The following ECPAS variants were observed in gnomAD, a reference collection of about 807,000 sequenced individuals.
ECPAS encodes Ecm29 proteasome adaptor and scaffold, also known as proteasome adapter and scaffold protein ECM29.
A neutral mutation model predicts 255.1 loss-of-function variants in ECPAS; 70 were observed. That is an observed-to-expected ratio of 0.27 (90% CI 0.23 to 0.33). The LOEUF is 0.33. Among genes scored for constraint, ECPAS ranks in the 10% least tolerant of loss-of-function variants. ECPAS has a pLI of 1.00. For synonymous variants in ECPAS, 784 were observed against 775.0 expected, an observed-to-expected ratio of 1.01 and a Z score of -0.19; for missense variants, 1,817 against 2,206.4, an observed-to-expected ratio of 0.82 and a Z score of 3.54.
At position 111,406,944 on chromosome 9, in the gene ECPAS, A is replaced by G. The variant is rs148875608; in HGVS notation, c.2652+1627T>C. ...AAAAAAACCTTCAGCACTGTGTCCTATTCGACTGTGAAGATATTCTGCTTC... is the reference window on the plus strand; with the variant it reads ...AAAAAAACCTTCAGCACTGTGTCCTGTTCGACTGTGAAGATATTCTGCTTC... On this transcript the variant is annotated intron_variant, in intron 24 of 49. Transcript: ENST00000684092. Among the ~76,000 whole-genome samples, 304 of 149,490 alleles carry G rather than the reference A, an allele frequency of 2.0e-3. 7 individuals are homozygous for G. The highest frequency in any genetic ancestry group is 1.5e-3 in the Non-Finnish European group (99 of 67,956).
intron 41 of ECPAS, 38 bp from the exon 42 acceptor site, chr9:111,372,658 G>A: frequency 6.7e-7 from 1 of 1,491,266 alleles, no homozygotes; most frequent in Non-Finnish European, 9.1e-7. Context: ...GATATTTATT[G>A]TTTTTAAGGG....
At chr9:111,391,357 C>T (rs1384409818) in intron 29 of ECPAS, among the ~76,000 whole-genome samples, 2 of 152,098 alleles carry the variant, frequency 1.3e-5, no homozygotes, top group Non-Finnish European at 2.9e-5. Context: ...GTGGGTGGAT[C>T]TCCTGAGGTC....
At chr9:111,410,477 G>GA (rs5899954) in intron 22 of ECPAS, among the ~76,000 whole-genome samples, 18,741 of 151,546 alleles carry the variant, frequency 0.12, 1,422 homozygotes, top group East Asian at 0.33. Context: ...AAAATGTAGA[G>GA]AAAAAAAATA....
At chr9:111,398,698 A>T (rs1466687607) in intron 24 of ECPAS, among the ~76,000 whole-genome samples, 1 of 152,186 alleles carries the variant, frequency 6.6e-6, no homozygotes, top group Non-Finnish European at 1.5e-5. Context: ...ACACTTTGGG[A>T]GGCCACGGTG....
At chr9:111,411,324 T>G (rs542934589) in intron 21 of ECPAS, among the ~76,000 whole-genome samples, 182 bp from the exon 22 acceptor site, 1 of 152,262 alleles carries the variant, frequency 6.6e-6, no homozygotes, top group Non-Finnish European at 1.5e-5. Context: ...AGAGAAACCT[T>G]GAGTTTCTAA....
chr9:111,460,893 A>G (rs1312761304), intron 2 of ECPAS, among the ~76,000 whole-genome samples: 2 of 152,208 alleles, frequency 1.3e-5, no homozygotes, highest in Admixed American at 6.5e-5. Context: ...ACAATCCATC[A>G]GATAACTTGG....
intron 1 of ECPAS, among the ~76,000 whole-genome samples, chr9:111,475,793 T>TA (rs2098295515): frequency 6.6e-6 from 1 of 151,720 alleles, no homozygotes; most frequent in African/African-American, 2.4e-5. Context: ...TGGAAATTAA[T>TA]AAAAAATAGA....
At chr9:111,441,373 C>A (rs1393393659) in intron 5 of ECPAS, among the ~76,000 whole-genome samples, 1 of 151,708 alleles carries the variant, frequency 6.6e-6, no homozygotes, top group Non-Finnish European at 1.5e-5. Flanking sequence ...GCCATGGTAG[C>A]AGGCATCTGT....
intron 24 of ECPAS, 95 bp from the exon 25 acceptor site, chr9:111,397,248 C>A: frequency 6.7e-7 from 1 of 1,500,606 alleles, no homozygotes; most frequent in Non-Finnish European, 9.0e-7. Flanking sequence ...TGGTTCTGAG[C>A]ATGTTTTGTT....
chr9:111,421,578 C>T (rs1203347903), intron 15 of ECPAS, among the ~76,000 whole-genome samples: 1 of 152,044 alleles, frequency 6.6e-6, no homozygotes, highest in East Asian at 1.9e-4. Flanking sequence ...TGTCTTTCAT[C>T]CCTTCTGCTT....
chr9:111,369,240 G>A, intron 45 of ECPAS, 67 bp from the exon 46 acceptor site: 1 of 1,246,136 alleles, frequency 8.0e-7, no homozygotes, highest in Non-Finnish European at 1.1e-6. Flanking sequence ...TACTATTAAA[G>A]CTATCAGGGT....
intron 3 of ECPAS, among the ~76,000 whole-genome samples, chr9:111,448,047 C>A (rs894246598): frequency 1.3e-5 from 2 of 151,812 alleles, no homozygotes; most frequent in African/African-American, 4.8e-5. Context: ...TGTTCCCAAC[C>A]CAAAGGAAAA....
At chr9:111,423,172 T>C (rs1237872844) in intron 13 of ECPAS, 27 bp downstream of exon 13, 4 of 1,501,874 alleles carry the variant, frequency 2.7e-6, no homozygotes, top group Admixed American at 2.0e-5. Flanking sequence ...CAACACCATA[T>C]CTCTCACTAA....
Position 111,363,594 on chromosome 9 carries a change from G to GT in ECPAS, c.5373dup (p.Leu1792ThrfsTer2). On this transcript the variant is annotated frameshift_variant, in exon 49 of 50. Coordinates refer to ENST00000684092, the MANE Select transcript of ECPAS (RefSeq NM_001364929.1). LOFTEE classifies it high-confidence loss of function. ...AGAACTAACAACAACTTACCTTCAA[G>GT]TTTTTTAAGCAGCAATTCTATCACA... is the stretch of plus-strand genomic sequence containing the variant. 2 of 1,571,456 alleles carry GT rather than the reference G, an allele frequency of 1.3e-6. No homozygotes were observed. The highest frequency in any genetic ancestry group is 1.7e-6 in the Non-Finnish European group (2 of 1,149,206).
chr9:111,469,530 G>A (rs1298307550), intron 2 of ECPAS, among the ~76,000 whole-genome samples: 2 of 151,278 alleles, frequency 1.3e-5, no homozygotes, highest in Admixed American at 6.6e-5. Flanking sequence ...ACTCCGTCCC[G>A]CCAGGCGCGG....
chr9:111,484,178 A>G lies in ECPAS; in HGVS notation c.-145T>C. The G allele has an allele frequency of 6.7e-7, 1 of 1,484,166 alleles. No homozygotes were observed. Among genetic ancestry groups the G allele is most frequent in the Non-Finnish European group, 8.9e-7 (1 of 1,119,892 alleles). 91.9% of individuals were successfully genotyped at this position (1,484,166 alleles called of 1,614,324 possible). A position where few individuals can be genotyped will look rare whatever the true frequency, so the allele number is the denominator to read the frequency against. Reference sequence around the variant, plus strand: ...CTCGGCGCCGCGAGGTGAGGGCTGTAGAGCGAGGCGTTCGGCGGGCCGGGC... The same window carrying G: ...CTCGGCGCCGCGAGGTGAGGGCTGTGGAGCGAGGCGTTCGGCGGGCCGGGC... On this transcript the variant is annotated 5_prime_UTR_variant, in exon 1 of 50. Transcript: ENST00000684092.
chr9:111,427,748 CAT>C (rs2098223860), intron 10 of ECPAS, among the ~76,000 whole-genome samples: 1 of 152,166 alleles, frequency 6.6e-6, no homozygotes, highest in Admixed American at 6.5e-5. Flanking sequence ...CAATCCATCA[CAT>C]GAGACCAGGT....
At chr9:111,408,719 CT>C in intron 23 of ECPAS, 47 bp from the exon 24 acceptor site, 1 of 1,171,932 alleles carries the variant, frequency 8.5e-7, no homozygotes, top group Non-Finnish European at 1.2e-6. Flanking sequence ...TATATAATAG[CT>C]TTACCCCAGT....
rs1300326037 is a variant in ECPAS, at chr9:111,397,135, G to T, written c.2671C>A (p.Gln891Lys). Residue 891 changes from glutamine (Q) to lysine (K), a missense_variant, in exon 25 of 50, where the codon CAG becomes AAG. Around this residue, in one of 4 missense-constraint regions of ECPAS, gnomAD observed 960 missense variants for 1,179.0 expected, o/e 0.81. Transcript: ENST00000684092. The stretch of plus-strand genomic sequence containing the variant: ...GTAATGGCTTCGCCAATAGTGAACT[G>T]AAGTTCTATCTGCTTGGCCTGCAAC... ...DSVEAKQIEL[Q>K]FTIGEAITSA... is the part of the protein sequence containing the mutation. 3 of 1,613,844 alleles carry T rather than the reference G, an allele frequency of 1.9e-6. No homozygotes were observed. The highest frequency in any genetic ancestry group is 1.7e-5 in the Admixed American group (1 of 60,030).
Sources: allele counts gnomAD v4.1 joint callset (sites outside exome capture counted in the v4.1 genomes callset), GRCh38; gene constraint gnomAD v4.1.1; regional missense constraint gnomAD v4.1.1; transcripts MANE v1.5; gene names NCBI Gene and HGNC (gene_info 2026-07-23, HGNC 2026-07-21).